RTN1: variants seen among roughly 807,000 people sequenced by gnomAD.
The protein encoded by RTN1 is reticulon 1.
A neutral mutation model predicts 65.5 loss-of-function variants in RTN1; 25 were observed. The ratio of observed to expected loss-of-function variants is 0.38; its 90% CI spans 0.28 to 0.53. The LOEUF (loss-of-function observed/expected upper bound fraction) is 0.53, where lower values mean the gene tolerates loss of function less well. RTN1 is among the 20% of genes least tolerant of loss of function. The pLI is 0.79. For missense variants in RTN1, 983 were observed against 1,025.4 expected (o/e 0.96, Z 0.57); for synonymous variants, 471 against 447.6 (o/e 1.05, Z -0.66).
At chr14:59,857,460 C>G (rs1420306986) in intron 1 of RTN1, among the ~76,000 whole-genome samples, 2 of 152,210 alleles carry the variant, frequency 1.3e-5, no homozygotes, top group Non-Finnish European at 2.9e-5. Context: ...CTCCCACCCT[C>G]TATAGCATAA....
chr14:59,728,203 A>G (rs1884821559), intron 2 of RTN1, among the ~76,000 whole-genome samples: 1 of 151,328 alleles, frequency 6.6e-6, no homozygotes, highest in Non-Finnish European at 1.5e-5. Context: ...TGAGCCTTGG[A>G]CACAACTTGA....
intron 3 of RTN1, among the ~76,000 whole-genome samples, chr14:59,616,636 T>C: frequency 6.6e-6 from 1 of 152,236 alleles, no homozygotes; most frequent in South Asian, 2.1e-4. Context: ...AAAATTGTTG[T>C]ATGCCACAAA....
chr14:59,658,942 A>G (rs574249728), intron 3 of RTN1, among the ~76,000 whole-genome samples: 18 of 152,306 alleles, frequency 1.2e-4, no homozygotes, highest in African/African-American at 3.6e-4. Flanking sequence ...CCTCTGAGCT[A>G]AAGAAGCATG....
chr14:59,856,543 C>T (rs540897143), intron 1 of RTN1, among the ~76,000 whole-genome samples: 1 of 152,282 alleles, frequency 6.6e-6, no homozygotes, highest in Admixed American at 6.5e-5. Flanking sequence ...CCCACGGGCA[C>T]ACCTCAGCCC....
At position 59,648,172 on chromosome 14, in the gene RTN1, A is replaced by C. The variant is rs528450561; in HGVS notation, c.1766-40680T>G. On this transcript the variant is annotated intron_variant, in intron 3 of 8. Coordinates refer to ENST00000267484, the MANE Select transcript of RTN1 (RefSeq NM_021136.3). ...TATGAACACCTCTATGCACACATGCACACAAATTAGAAAACCTAGAAGAGA... is the reference window on the plus strand; with the variant it reads ...TATGAACACCTCTATGCACACATGCCCACAAATTAGAAAACCTAGAAGAGA... Among the ~76,000 whole-genome samples the C allele has an allele frequency of 5.3e-5, 8 of 152,344 alleles. No individual in the cohort carries two copies. In the South Asian group the frequency reaches 1.7e-3, roughly 32 times the overall value.
chr14:59,750,045 T>G (rs778069350), intron 1 of RTN1, among the ~76,000 whole-genome samples: 10 of 46,268 alleles, frequency 2.2e-4, no homozygotes, highest in Middle Eastern at 0.012. Context: ...ATATATTATA[T>G]ATTATATTAT....
At chr14:59,671,402 A>G (rs1473889686) in intron 3 of RTN1, among the ~76,000 whole-genome samples, 1 of 152,252 alleles carries the variant, frequency 6.6e-6, no homozygotes, top group Admixed American at 6.5e-5. Context: ...CTTGTAACTC[A>G]TATACAAACC....
rs1460875490 is a variant in RTN1 at position 59,836,561 on chromosome 14, A to C, written c.241+33829T>G. On this transcript the variant is annotated intron_variant, in intron 1 of 8. Coordinates refer to ENST00000267484, the MANE Select transcript of RTN1 (RefSeq NM_021136.3). This position sits in a 1 kb window ranked among gnomAD's most constrained non-coding sequence, Gnocchi z 4.9. Reference sequence around the variant, plus strand: ...ATTAGAAAAAATTGATGAAACCAGGAGGGAGGACATCCCAGATTTTTAAAA... The same window carrying C: ...ATTAGAAAAAATTGATGAAACCAGGCGGGAGGACATCCCAGATTTTTAAAA... Among the ~76,000 whole-genome samples, 1 of 152,230 alleles carries C rather than the reference A, an allele frequency of 6.6e-6. No homozygotes were observed. Among genetic ancestry groups the C allele is most frequent in the Non-Finnish European group, 1.5e-5 (1 of 68,036 alleles).
At chr14:59,645,838 G>A (rs771220968) in intron 3 of RTN1, among the ~76,000 whole-genome samples, 9 of 152,214 alleles carry the variant, frequency 5.9e-5, no homozygotes, top group Non-Finnish European at 1.2e-4. Context: ...CAGCCCAGCA[G>A]TTAAGAGAAC....
chr14:59,640,937 CT>C (rs1402747396), intron 3 of RTN1, among the ~76,000 whole-genome samples: 1 of 151,850 alleles, frequency 6.6e-6, no homozygotes, highest in Non-Finnish European at 1.5e-5. Context: ...TTACTAACTT[CT>C]TCAAATGAAA....
rs368706148 is a variant in RTN1 at position 59,749,278 on chromosome 14, CTA to C, written c.242-2799_242-2798del. Among the ~76,000 whole-genome samples, 140 of 16,312 alleles carry C rather than the reference CTA, an allele frequency of 8.6e-3. 29 individuals are homozygous for C. The highest frequency in any genetic ancestry group is 0.056 in the African/African-American group (126 of 2,258). 10.7% of individuals were successfully genotyped at this position (16,312 alleles called of 152,430 possible). A position where few individuals can be genotyped will look rare whatever the true frequency, so the allele number is the denominator to read the frequency against. The stretch of plus-strand genomic sequence containing the variant: ...TATCTATATATATCTATATATATAT[CTA>C]TATATATCTATATATATCTATATAT... On this transcript the variant is annotated intron_variant, in intron 1 of 8. Coordinates refer to ENST00000267484, the MANE Select transcript of RTN1 (RefSeq NM_021136.3).
Position 59,836,331 on chromosome 14 carries a change from T to A in RTN1, c.241+34059A>T, listed in dbSNP as rs544361977. Reference sequence around the variant, plus strand: ...GCTGCCAAGGGCTTTACACGCATCATCCCACTGAATCATTCTGACAATCCT... The same window carrying A: ...GCTGCCAAGGGCTTTACACGCATCAACCCACTGAATCATTCTGACAATCCT... On this transcript the variant is annotated intron_variant, in intron 1 of 8. Transcript: ENST00000267484. This position sits in a 1 kb window ranked among gnomAD's most constrained non-coding sequence, Gnocchi z 4.9. 6.6e-6 allele frequency among the ~76,000 whole-genome samples: 1 copy of A among 152,348 alleles called. No individual in the cohort carries two copies. Among genetic ancestry groups the A allele is most frequent in the South Asian group, 2.1e-4 (1 of 4,834 alleles).
At chr14:59,666,316 T>A (rs1196800059) in intron 3 of RTN1, among the ~76,000 whole-genome samples, 1 of 152,156 alleles carries the variant, frequency 6.6e-6, no homozygotes, top group Admixed American at 6.6e-5. Flanking sequence ...ACATGGAAAC[T>A]GAACAACTTG....
chr14:59,827,467 G>A (rs181396050), intron 1 of RTN1, among the ~76,000 whole-genome samples: 3 of 152,170 alleles, frequency 2.0e-5, no homozygotes, highest in East Asian at 1.9e-4. Context: ...CCATAACAAC[G>A]TGGGCAGATC....
chr14:59,755,991 G>T (rs1885629639), intron 1 of RTN1, among the ~76,000 whole-genome samples: 1 of 152,214 alleles, frequency 6.6e-6, no homozygotes, highest in Admixed American at 6.5e-5. Flanking sequence ...TAATAAAAAT[G>T]ATTCAGCAAT....
At chr14:59,693,073 G>A (rs781659142) in intron 3 of RTN1, among the ~76,000 whole-genome samples, 3 of 152,110 alleles carry the variant, frequency 2.0e-5, no homozygotes, top group African/African-American at 4.8e-5. Flanking sequence ...ACATGAATGG[G>A]CTTAGTCCCC....
At chr14:59,749,113 TATATATATATAG>T (rs1885296238) in intron 1 of RTN1, among the ~76,000 whole-genome samples, 4 of 55,106 alleles carry the variant, frequency 7.3e-5, no homozygotes, top group African/African-American at 5.4e-4. Flanking sequence ...TATATATATA[TATATATATATAG>T]ATATATCTAT....
intron 2 of RTN1, among the ~76,000 whole-genome samples, chr14:59,736,486 A>G (rs1885004973): frequency 6.6e-6 from 1 of 152,148 alleles, no homozygotes; most frequent in East Asian, 1.9e-4. Flanking sequence ...AAGAAACTGA[A>G]TCCCTAAATA....
chr14:59,795,506 G>A (rs1886423199), intron 1 of RTN1, among the ~76,000 whole-genome samples: 1 of 152,048 alleles, frequency 6.6e-6, no homozygotes, highest in Admixed American at 6.6e-5. Flanking sequence ...TTCAAGACCA[G>A]CCTGGGCAAA....
Sources: gnomAD v4.1 joint callset for allele counts (sites outside exome capture counted in the v4.1 genomes callset) on GRCh38, gnomAD v4.1.1 for gene constraint, Gnocchi (gnomAD v3.1) non-coding constraint, MANE v1.5 for transcripts, NCBI Gene and HGNC (gene_info 2026-07-23, HGNC 2026-07-21) for gene names.